Variants in MAPK10 observed in about 807,000 individuals in gnomAD.
The protein encoded by MAPK10 is mitogen-activated protein kinase 10, also known as JNK3 alpha protein kinase.
In MAPK10, 25 loss-of-function variants were observed where a neutral mutation model predicts 59.3. The observed-to-expected ratio is 0.42, with a 90% confidence interval of 0.31 to 0.59. The LOEUF is 0.59. Among genes scored for constraint, MAPK10 ranks in the 20% least tolerant of loss-of-function variants. MAPK10 has a pLI of 0.15. For synonymous variants in MAPK10, 190 were observed against 200.5 expected (o/e 0.95, Z 0.44); for missense variants, 351 against 568.9 (o/e 0.62, Z 3.90).
At chr4:86,208,492 A>G (rs2084813931) in intron 2 of MAPK10, among the ~76,000 whole-genome samples, 2 of 150,330 alleles carry the variant, frequency 1.3e-5, no homozygotes, top group African/African-American at 5.0e-5. Context: ...CAATAACCAC[A>G]TGATTATCTC....
At chr4:86,149,587 G>C (rs1342848238) in intron 4 of MAPK10, among the ~76,000 whole-genome samples, 1 of 152,056 alleles carries the variant, frequency 6.6e-6, no homozygotes, top group Admixed American at 6.6e-5. Flanking sequence ...TATTTTACTG[G>C]CATTCTGAAC....
At chr4:86,236,998 TC>T (rs2092299473) in intron 2 of MAPK10, among the ~76,000 whole-genome samples, 1 of 151,784 alleles carries the variant, frequency 6.6e-6, no homozygotes, top group East Asian at 1.9e-4. Flanking sequence ...AGACCCCCCA[TC>T]CCCCAAACAG....
chr4:86,321,835 G>A (rs949058685), intron 2 of MAPK10: 4 of 151,124 alleles, frequency 2.6e-5, no homozygotes, highest in Non-Finnish European at 4.4e-5. Flanking sequence ...GCTCTCATTT[G>A]TAACATACCT....
chr4:86,355,730 T>C (rs912475242), intron 1 of MAPK10, among the ~76,000 whole-genome samples: 5 of 152,276 alleles, frequency 3.3e-5, no homozygotes, highest in Middle Eastern at 3.4e-3. Flanking sequence ...AGAATACAGG[T>C]AATAGAAGAA....
intron 1 of MAPK10, among the ~76,000 whole-genome samples, chr4:86,502,261 T>C (rs1354646168): frequency 6.6e-6 from 1 of 152,064 alleles, no homozygotes; most frequent in East Asian, 1.9e-4. Flanking sequence ...ATTTTTGTGT[T>C]ATAAATTAAA....
intron 1 of MAPK10, among the ~76,000 whole-genome samples, chr4:86,412,538 A>G (rs968469087): frequency 2.0e-5 from 3 of 152,196 alleles, no homozygotes; most frequent in Non-Finnish European, 4.4e-5. Flanking sequence ...CTGGTACACC[A>G]ATCAAACGTA....
intron 1 of MAPK10, among the ~76,000 whole-genome samples, chr4:86,584,809 G>A (rs1762550156): frequency 6.6e-6 from 1 of 152,092 alleles, no homozygotes; most frequent in African/African-American, 2.4e-5. Flanking sequence ...TTATGAAGAA[G>A]GTGATTTTTG....
chr4:86,469,186 C>T (rs997421725), intron 1 of MAPK10, among the ~76,000 whole-genome samples: 6 of 150,426 alleles, frequency 4.0e-5, no homozygotes, highest in African/African-American at 1.5e-4. Flanking sequence ...TCCCCTTGAG[C>T]CTTGAGCCCT....
chr4:86,082,052 G>C (rs942539097), intron 9 of MAPK10: 3 of 152,144 alleles, frequency 2.0e-5, no homozygotes, highest in African/African-American at 7.2e-5. Context: ...TTTAAAAAGT[G>C]AGTCACAAGA....
chr4:86,386,908 C>T (rs1329237677), intron 1 of MAPK10, among the ~76,000 whole-genome samples: 1 of 151,906 alleles, frequency 6.6e-6, no homozygotes, highest in African/African-American at 2.4e-5. Context: ...GAAACTGGGT[C>T]GAATGTGGAA....
chr4:86,220,163 T>C (rs2089125004), intron 2 of MAPK10, among the ~76,000 whole-genome samples: 1 of 152,192 alleles, frequency 6.6e-6, no homozygotes, highest in Non-Finnish European at 1.5e-5. Flanking sequence ...AAATAAAATG[T>C]TAAGCTATAT....
chr4:86,237,006 A>C (rs1181738740), intron 2 of MAPK10, among the ~76,000 whole-genome samples: 2 of 151,846 alleles, frequency 1.3e-5, no homozygotes, highest in Admixed American at 1.3e-4. Flanking sequence ...CATCCCCCAA[A>C]CAGGCCATAG....
intron 2 of MAPK10, among the ~76,000 whole-genome samples, chr4:86,262,290 A>G (rs776591014): frequency 4.6e-5 from 7 of 152,140 alleles, no homozygotes; most frequent in Non-Finnish European, 7.3e-5. Context: ...GGATGACACA[A>G]AAAGTAAGCT....
intron 2 of MAPK10, among the ~76,000 whole-genome samples, chr4:86,256,337 G>A (rs2093705962): frequency 6.6e-6 from 1 of 152,134 alleles, no homozygotes; most frequent in African/African-American, 2.4e-5. Flanking sequence ...ATTGCCCACA[G>A]TCAAAACCTA....
chr4:86,177,978 T>A (rs2076060537), intron 3 of MAPK10, among the ~76,000 whole-genome samples: 1 of 152,090 alleles, frequency 6.6e-6, no homozygotes, highest in Non-Finnish European at 1.5e-5. Context: ...AAAGGCAACA[T>A]GTTTAATCTT....
chr4:86,161,467 T>C (rs1346160139), intron 3 of MAPK10, among the ~76,000 whole-genome samples: 6 of 152,072 alleles, frequency 3.9e-5, no homozygotes, highest in Non-Finnish European at 1.5e-5. Context: ...ATTTCTACTC[T>C]AGACTTTTTG....
intron 1 of MAPK10, among the ~76,000 whole-genome samples, chr4:86,355,022 A>G (rs572040807): frequency 2.0e-5 from 3 of 152,266 alleles, no homozygotes; most frequent in Admixed American, 2.0e-4. Flanking sequence ...CATTGGAACA[A>G]TGGTTACATA....
chr4:86,452,313 G>A (rs887187955), intron 1 of MAPK10, among the ~76,000 whole-genome samples: 38 of 152,312 alleles, frequency 2.5e-4, no homozygotes, highest in African/African-American at 8.7e-4. Flanking sequence ...GATCTATTAA[G>A]TGGTTAGTGC....
intron 1 of MAPK10, among the ~76,000 whole-genome samples, chr4:86,403,692 G>T (rs1744005545): frequency 6.6e-6 from 1 of 152,080 alleles, no homozygotes; most frequent in South Asian, 2.1e-4. Flanking sequence ...GGAGAGAGAA[G>T]TGCAAGCAGG....
Sources: allele counts gnomAD v4.1 joint callset (sites outside exome capture counted in the v4.1 genomes callset), GRCh38; gene constraint gnomAD v4.1.1; transcripts MANE v1.5; gene names NCBI Gene and HGNC (gene_info 2026-07-23, HGNC 2026-07-21).